TDRKH: variants seen among roughly 807,000 people sequenced by gnomAD.
TDRKH encodes tudor and KH domain containing.
A neutral mutation model predicts 61.3 loss-of-function variants in TDRKH; 28 were observed. The ratio of observed to expected loss-of-function variants is 0.46; its 90% CI spans 0.34 to 0.63. The LOEUF (loss-of-function observed/expected upper bound fraction) is 0.63, where lower values mean the gene tolerates loss of function less well. Among genes scored for constraint, TDRKH ranks in the 20% least tolerant of loss-of-function variants. The pLI is 0.01. For synonymous variants in TDRKH, 219 were observed against 244.4 expected, an observed-to-expected ratio of 0.90 and a Z score of 0.97; for missense variants, 540 against 683.4, an observed-to-expected ratio of 0.79 and a Z score of 2.34.
downstream of TDRKH, among the ~76,000 whole-genome samples, chr1:151,773,051 GTATTTTTT>G (rs1452651495): frequency 6.7e-6 from 1 of 149,542 alleles, no homozygotes; most frequent in Non-Finnish European, 1.5e-5. Flanking sequence ...TTGTATTTTT[GTATTTTTT>G]TGAGACAGAG....
At chr1:151,767,585 C>G (rs1005526521), downstream of TDRKH, 49 of 418,208 alleles carry the variant, frequency 1.2e-4, no homozygotes, top group Admixed American at 5.2e-4. Flanking sequence ...ATGCCAAGAT[C>G]CTGCTTAAAG....
At chr1:151,787,693 G>A (rs1650456831) in intron 1 of TDRKH, among the ~76,000 whole-genome samples, 1 of 151,600 alleles carries the variant, frequency 6.6e-6, no homozygotes, top group Non-Finnish European at 1.5e-5. Context: ...AAAACAGGCT[G>A]GGCACAGTGG....
chr1:151,779,634 T>G (rs1032650278), intron 4 of TDRKH: 1 of 381,608 alleles, frequency 2.6e-6, no homozygotes. Flanking sequence ...AGGTACCCTC[T>G]AGAGCACTGT....
downstream of TDRKH, chr1:151,768,379 G>A: frequency 8.1e-7 from 1 of 1,233,178 alleles, no homozygotes; most frequent in Non-Finnish European, 1.1e-6. Flanking sequence ...AGCTGAGCCA[G>A]GATCTGGGGT....
chr1:151,786,364 A>T (rs1157188074), intron 1 of TDRKH, among the ~76,000 whole-genome samples: 1 of 152,232 alleles, frequency 6.6e-6, no homozygotes, highest in Non-Finnish European at 1.5e-5. Context: ...TAAGTGACTA[A>T]GAGGCGGGTA....
chr1:151,770,879 G>T (rs918642721), downstream of TDRKH, among the ~76,000 whole-genome samples: 1 of 152,194 alleles, frequency 6.6e-6, no homozygotes, highest in Non-Finnish European at 1.5e-5. Context: ...GATGGAAACT[G>T]AAGTTCTGCA....
chr1:151,767,261 G>A (rs755505565), downstream of TDRKH: 13 of 1,613,852 alleles, frequency 8.1e-6, no homozygotes, highest in Admixed American at 1.7e-5. Context: ...CAAAAGCACC[G>A]AGCAGGGTAA....
At chr1:151,774,956 G>T in intron 11 of TDRKH, 109 bp downstream of exon 11, 2 of 1,362,380 alleles carry the variant, frequency 1.5e-6, no homozygotes, top group South Asian at 2.5e-5. Context: ...ACTACTGGAG[G>T]AGCTCAAAGT....
chr1:151,769,933 A>G (rs6667279), downstream of TDRKH, among the ~76,000 whole-genome samples: 50,810 of 152,032 alleles, frequency 0.33, 8,728 homozygotes, highest in Middle Eastern at 0.45. Flanking sequence ...CCAGTCAGGC[A>G]TGGCGGCACG....
At chr1:151,774,580 A>G in intron 12 of TDRKH, 76 bp from the exon 13 acceptor site, 1 of 1,589,726 alleles carries the variant, frequency 6.3e-7, no homozygotes. Flanking sequence ...GGCTCAAAAG[A>G]AAAATGGACC....
chr1:151,771,630 G>A, downstream of TDRKH: 1 of 351,448 alleles, frequency 2.8e-6, no homozygotes, highest in Non-Finnish European at 5.0e-6. Flanking sequence ...AACCAGAGAA[G>A]GCACATAGAT....
In TDRKH at chr1:151,781,328, A is replaced by AATATATATATAT. The variant is rs60652277; in HGVS notation, c.231+141_231+152dup. Among the ~76,000 whole-genome samples the AATATATATATAT allele has an allele frequency of 3.1e-4, 21 of 68,586 alleles. 2 individuals are homozygous for AATATATATATAT. Among genetic ancestry groups the AATATATATATAT allele is most frequent in the Non-Finnish European group, 5.8e-4 (17 of 29,278 alleles). 45.0% of individuals were successfully genotyped at this position (68,586 alleles called of 152,430 possible). On this transcript the variant is annotated intron_variant, in intron 3 of 12. Transcript: ENST00000368824. ...GCGAAACTCCATCTCAAAAAAAAAA[A>AATATATATATAT]ATATATATATATATATTTTATATAT... is the stretch of plus-strand genomic sequence containing the variant.
chr1:151,779,324 TAGG>T (rs1464941242), intron 4 of TDRKH, 82 bp from the exon 5 acceptor site: 4 of 1,512,882 alleles, frequency 2.6e-6, no homozygotes, highest in East Asian at 4.6e-5. Flanking sequence ...TTGTATATAC[TAGG>T]AGAAGAGAAT....
At chr1:151,776,383 GAAA>G in intron 7 of TDRKH, 53 bp downstream of exon 7, 1 of 1,603,562 alleles carries the variant, frequency 6.2e-7, no homozygotes, top group East Asian at 2.2e-5. Flanking sequence ...AGAGTACAAT[GAAA>G]AAGATATGCC....
chr1:151,768,989 A>G (rs1648482079), downstream of TDRKH, among the ~76,000 whole-genome samples: 1 of 152,190 alleles, frequency 6.6e-6, no homozygotes, highest in African/African-American at 2.4e-5. Flanking sequence ...GGGTAAGGTT[A>G]TAGATTAACA....
downstream of TDRKH, chr1:151,766,950 T>C: frequency 6.8e-7 from 1 of 1,464,312 alleles, no homozygotes; most frequent in Non-Finnish European, 9.4e-7. Context: ...AGTAAAAGAA[T>C]TTGAAAGAAT....
chr1:151,788,131 G>T (rs1309164758), intron 1 of TDRKH, among the ~76,000 whole-genome samples: 2 of 152,182 alleles, frequency 1.3e-5, no homozygotes, highest in African/African-American at 2.4e-5. Flanking sequence ...ACGAAGGGAG[G>T]GACAACTGTA....
chr1:151,782,811 T>C, intron 2 of TDRKH, 88 bp downstream of exon 2: 1 of 1,448,982 alleles, frequency 6.9e-7, no homozygotes. Context: ...ACACACACAA[T>C]ACCTGGCAAG....
At chr1:151,778,663 G>C (rs1463409794) in intron 6 of TDRKH, 22 bp downstream of exon 6, 2 of 1,608,008 alleles carry the variant, frequency 1.2e-6, no homozygotes, top group Non-Finnish European at 1.7e-6. Flanking sequence ...AATGATTAAT[G>C]GGCTCCCTCT....
Sources: gnomAD v4.1 joint callset for allele counts (sites outside exome capture counted in the v4.1 genomes callset) on GRCh38, gnomAD v4.1.1 for gene constraint, MANE v1.5 for transcripts, NCBI Gene and HGNC (gene_info 2026-07-23, HGNC 2026-07-21) for gene names.